CFAP61: variants seen among roughly 807,000 people sequenced by gnomAD.
The protein encoded by CFAP61 is cilia- and flagella-associated protein 61.
Under a neutral mutation model 135.6 loss-of-function variants are expected in CFAP61, and 107 were observed. That is an observed-to-expected ratio of 0.79 (90% CI 0.67 to 0.93). CFAP61 has a LOEUF of 0.93. Among genes scored for constraint, CFAP61 ranks in the 40% least tolerant of loss-of-function variants. The pLI is 0.00. For synonymous variants in CFAP61, 575 were observed against 578.5 expected, an observed-to-expected ratio of 0.99 and a Z score of 0.09; for missense variants, 1,507 against 1,556.2, an observed-to-expected ratio of 0.97 and a Z score of 0.53.
At chr20:20,319,711 G>A (rs1289519654) in intron 25 of CFAP61, among the ~76,000 whole-genome samples, 1 of 152,198 alleles carries the variant, frequency 6.6e-6, no homozygotes, top group Admixed American at 6.5e-5. Context: ...CTTTATAGCA[G>A]TGCAAGAATG....
In CFAP61 at chr20:20,072,062, G is replaced by A. The variant is rs574884962; in HGVS notation, c.294+1058G>A. ...GTTATGGTTTATTGTCTTACAGGAT[G>A]TGACCTATTTGGTATCTAATCTAGC... On this transcript the variant is annotated intron_variant, in intron 3 of 26. Coordinates refer to ENST00000245957, the MANE Select transcript of CFAP61 (RefSeq NM_015585.4). Among the ~76,000 whole-genome samples, 25 of 125,518 alleles carry A rather than the reference G, an allele frequency of 2.0e-4. No individual in the cohort carries two copies. In the South Asian group the frequency reaches 6.2e-3, roughly 31 times the overall value. The allele number at this position is 125,518 out of a possible 152,430, so 82.3% of individuals were successfully genotyped here. A position where few individuals can be genotyped will look rare whatever the true frequency, so the allele number is the denominator to read the frequency against.
chr20:20,332,803 A>G lies in CFAP61; in HGVS notation c.3423-9028A>G, dbSNP rs189217034. Among the ~76,000 whole-genome samples the G allele has an allele frequency of 8.4e-3, 1,277 of 152,198 alleles. 8 individuals carry two copies. The highest frequency in any genetic ancestry group is 0.013 in the Non-Finnish European group (897 of 68,008). Reference sequence around the variant, plus strand: ...CTAATTTTTATTTTTTAATTTTTGTAGAGACAAGCGTCTCCCTATGTTGCC... The same window carrying G: ...CTAATTTTTATTTTTTAATTTTTGTGGAGACAAGCGTCTCCCTATGTTGCC... On this transcript the variant is annotated intron_variant, in intron 25 of 26. Coordinates refer to ENST00000245957, the MANE Select transcript of CFAP61 (RefSeq NM_015585.4).
At chr20:20,113,108 T>C (rs2048910734) in intron 8 of CFAP61, among the ~76,000 whole-genome samples, 1 of 152,186 alleles carries the variant, frequency 6.6e-6, no homozygotes, top group African/African-American at 2.4e-5. Context: ...TAGATGTCCA[T>C]GGACTTTCAA....
At chr20:20,099,580 G>GA (rs1038848421) in intron 8 of CFAP61, among the ~76,000 whole-genome samples, 5 of 17,206 alleles carry the variant, frequency 2.9e-4, no homozygotes, top group South Asian at 2.1e-3. Flanking sequence ...CTCCCACACG[G>GA]GGGGGGGGTT....
intron 17 of CFAP61, chr20:20,222,113 A>G (rs1296417545): frequency 6.6e-6 from 1 of 152,158 alleles, no homozygotes; most frequent in East Asian, 1.9e-4. Context: ...AAATGTGCAC[A>G]CTAGAATTGA....
In CFAP61 at chr20:20,056,685, T is replaced by C. The variant is rs775379052; in HGVS notation, c.32T>C (p.Val11Ala). The C allele has an allele frequency of 6.2e-7, 1 of 1,614,018 alleles. No homozygotes were observed. The highest frequency in any genetic ancestry group is 1.3e-5 in the African/African-American group (1 of 74,922). Reference sequence around the variant, plus strand: ...GTACTCACTTCTCCAAGAGGAAAGGTAGAAGTTGTTCATTGCCGAAGAACA... The same window carrying C: ...GTACTCACTTCTCCAAGAGGAAAGGCAGAAGTTGTTCATTGCCGAAGAACA... Reference protein sequence around the residue: MSVLTSPRGKVEVVHCRRTES... With the variant: MSVLTSPRGKAEVVHCRRTES... Residue 11 changes from valine (V) to alanine (A), a missense_variant, in exon 2 of 27, where the codon GTA becomes GCA. Physicochemically the swap from Val to Ala is moderately conservative, Grantham distance 64 (BLOSUM62 0). Transcript: ENST00000245957.
At chr20:20,052,641 G>C (rs2043817306) in intron 1 of CFAP61, 50 bp downstream of exon 1, 1 of 1,613,404 alleles carries the variant, frequency 6.2e-7, no homozygotes, top group Admixed American at 1.7e-5. Context: ...GCGGTGCAGG[G>C]CGTCCAGGGC....
intron 1 of CFAP61, chr20:20,052,873 T>G: frequency 1.4e-6 from 1 of 708,972 alleles, no homozygotes; most frequent in Non-Finnish European, 2.3e-6. Flanking sequence ...TAGTAGTCTC[T>G]GGGTCCACGC....
intron 25 of CFAP61, 115 bp downstream of exon 25, chr20:20,298,501 G>A (rs2055815714): frequency 5.9e-6 from 5 of 840,436 alleles, no homozygotes; most frequent in East Asian, 2.7e-5. Flanking sequence ...CCAGAGAGAG[G>A]CTGTGTGGCA....
chr20:20,159,506 A>T, intron 10 of CFAP61, 62 bp downstream of exon 10: 1 of 1,390,266 alleles, frequency 7.2e-7, no homozygotes. Flanking sequence ...ACACCTTTCT[A>T]CCTCAGAGGA....
At chr20:20,109,842 C>CT (rs1379569163) in intron 8 of CFAP61, among the ~76,000 whole-genome samples, 1 of 151,726 alleles carries the variant, frequency 6.6e-6, no homozygotes, top group East Asian at 1.9e-4. Flanking sequence ...TTTGTGACCT[C>CT]TTTCTCCTGA....
At chr20:20,253,618 T>C in intron 20 of CFAP61, 1 of 483,368 alleles carries the variant, frequency 2.1e-6, no homozygotes, top group Non-Finnish European at 4.1e-6. Flanking sequence ...TGACCCTGTG[T>C]CCAGTCCCAC....
chr20:20,180,506 G>A (rs1488471496), intron 13 of CFAP61, among the ~76,000 whole-genome samples: 3 of 151,836 alleles, frequency 2.0e-5, no homozygotes, highest in African/African-American at 4.8e-5. Flanking sequence ...TTACAAAAAA[G>A]TCAATAACAG....
chr20:20,201,045 C>G lies in CFAP61; in HGVS notation c.1932+1143C>G, dbSNP rs1168984229. On this transcript the variant is annotated intron_variant, in intron 17 of 26. Transcript: ENST00000245957. The stretch of plus-strand genomic sequence containing the variant: ...ACTGTTCATATAAAGCAGGACTTCT[C>G]AATCTATCTGTCCTTTTTTTAATTA... The G allele has an allele frequency of 5.1e-6, 4 of 777,378 alleles. No individual in the cohort carries two copies. The East Asian group carries it at 5.1e-4, about 98-fold the overall frequency. The allele number at this position is 777,378 out of a possible 1,614,324, so 48.2% of individuals were successfully genotyped here.
At chr20:20,319,533 C>T (rs1040241178) in intron 25 of CFAP61, among the ~76,000 whole-genome samples, 1 of 152,166 alleles carries the variant, frequency 6.6e-6, no homozygotes, top group Non-Finnish European at 1.5e-5. Context: ...TGCGTAGCAC[C>T]TCCCCTTCTC....
intron 25 of CFAP61, among the ~76,000 whole-genome samples, chr20:20,335,366 C>G (rs1235231070): frequency 1.3e-5 from 2 of 152,226 alleles, no homozygotes; most frequent in Non-Finnish European, 2.9e-5. Context: ...TCCATTCTCT[C>G]TTTCCCCTTC....
chr20:20,275,019 C>T (rs527536947), intron 21 of CFAP61, among the ~76,000 whole-genome samples: 11 of 105,836 alleles, frequency 1.0e-4, no homozygotes, highest in East Asian at 4.3e-4. Flanking sequence ...TCCTCACTCC[C>T]GTGCTCATGG....
At chr20:20,271,877 C>T (rs2053385014) in intron 21 of CFAP61, among the ~76,000 whole-genome samples, 1 of 152,144 alleles carries the variant, frequency 6.6e-6, no homozygotes, top group African/African-American at 2.4e-5. Context: ...GGGAAGGAAA[C>T]AGTGACTAAA....
intron 8 of CFAP61, among the ~76,000 whole-genome samples, chr20:20,102,599 C>T (rs1291794039): frequency 1.3e-5 from 2 of 151,976 alleles, no homozygotes; most frequent in Non-Finnish European, 2.9e-5. Context: ...AAGCCTAGTA[C>T]CCATTAGTTA....
Sources: gnomAD v4.1 joint callset for allele counts (sites outside exome capture counted in the v4.1 genomes callset) on GRCh38, gnomAD v4.1.1 for gene constraint, MANE v1.5 for transcripts, NCBI Gene and HGNC (gene_info 2026-07-23, HGNC 2026-07-21) for gene names.